The following DLGAP2 variants were observed in gnomAD, a reference collection of about 807,000 sequenced individuals.
The protein encoded by DLGAP2 is disks large-associated protein 2.
In DLGAP2, 26 loss-of-function variants were observed where a neutral mutation model predicts 100.3. The observed-to-expected ratio is 0.26, with a 90% CI of 0.19 to 0.36. The LOEUF (loss-of-function observed/expected upper bound fraction) is 0.36, where lower values mean the gene tolerates loss of function less well. DLGAP2 is among the 10% of genes least tolerant of loss of function. The pLI is 1.00. For synonymous variants in DLGAP2, 886 were observed against 630.1 expected (o/e 1.41, Z -6.08); for missense variants, 1,858 against 1,453.2 (o/e 1.28, Z -4.53).
At chr8:1,343,773 G>T (rs559666665) in intron 3 of DLGAP2, among the ~76,000 whole-genome samples, 1 of 152,024 alleles carries the variant, frequency 6.6e-6, no homozygotes, top group South Asian at 2.1e-4. Context: ...AGAGGCGGGG[G>T]CAGTGCTGTG....
intron 2 of DLGAP2, among the ~76,000 whole-genome samples, chr8:1,139,707 G>A (rs865973412): frequency 2.0e-5 from 3 of 152,190 alleles, no homozygotes; most frequent in African/African-American, 4.8e-5. Flanking sequence ...TGTGGCACCC[G>A]ACAGGCCCCT....
intron 1 of DLGAP2, among the ~76,000 whole-genome samples, chr8:865,171 G>C (rs924146926): frequency 1.3e-5 from 2 of 152,202 alleles, no homozygotes; most frequent in African/African-American, 4.8e-5. Flanking sequence ...CCAGGACGAC[G>C]GGTGCCCTCG....
At chr8:1,251,796 C>T (rs1799046351) in intron 2 of DLGAP2, among the ~76,000 whole-genome samples, 1 of 152,212 alleles carries the variant, frequency 6.6e-6, no homozygotes, top group African/African-American at 2.4e-5. Flanking sequence ...GTCCCACAGT[C>T]ACGTCACGTC....
intron 4 of DLGAP2, among the ~76,000 whole-genome samples, chr8:1,544,830 TCAA>T (rs1265868632): frequency 2.6e-5 from 4 of 151,948 alleles, no homozygotes; most frequent in Admixed American, 2.6e-4. Flanking sequence ...CCTCCCGGGT[TCAA>T]GCGATTCTCC....
intron 3 of DLGAP2, among the ~76,000 whole-genome samples, chr8:1,323,114 C>T (rs1800944176): frequency 6.6e-6 from 1 of 151,672 alleles, no homozygotes; most frequent in African/African-American, 2.4e-5. Context: ...CATGCAACCT[C>T]CGCCTCCCAG....
chr8:1,450,903 G>T (rs896135517), intron 3 of DLGAP2, among the ~76,000 whole-genome samples: 3 of 152,108 alleles, frequency 2.0e-5, no homozygotes, highest in African/African-American at 7.2e-5. Context: ...TCTATGAATT[G>T]CTTAGTGAAA....
At chr8:781,559 C>T (rs1042877109) in intron 1 of DLGAP2, among the ~76,000 whole-genome samples, 2 of 152,010 alleles carry the variant, frequency 1.3e-5, no homozygotes, top group Non-Finnish European at 2.9e-5. Flanking sequence ...GGGGTGTTGC[C>T]CAAGTACCGC....
At chr8:1,606,676 A>G (rs1796811063) in intron 6 of DLGAP2, among the ~76,000 whole-genome samples, 1 of 152,140 alleles carries the variant, frequency 6.6e-6, no homozygotes, top group Non-Finnish European at 1.5e-5. Flanking sequence ...TAATTCTGCT[A>G]TGACCATTAT....
At chr8:948,468 C>T (rs1375874646) in intron 2 of DLGAP2, among the ~76,000 whole-genome samples, 1 of 152,248 alleles carries the variant, frequency 6.6e-6, no homozygotes, top group Non-Finnish European at 1.5e-5. Flanking sequence ...CTCCATCTCT[C>T]CCACCACACC....
intron 4 of DLGAP2, among the ~76,000 whole-genome samples, chr8:1,546,185 T>C (rs1245180327): frequency 6.6e-6 from 1 of 152,214 alleles, no homozygotes; most frequent in Non-Finnish European, 1.5e-5. Flanking sequence ...ACAGTGTAGG[T>C]GCTCCTGTGA....
intron 2 of DLGAP2, among the ~76,000 whole-genome samples, chr8:1,085,007 C>T (rs1803928773): frequency 6.6e-6 from 1 of 152,224 alleles, no homozygotes; most frequent in South Asian, 2.1e-4. Context: ...GTTCCCATTT[C>T]TCCACATCAA....
intron 2 of DLGAP2, among the ~76,000 whole-genome samples, chr8:1,149,548 T>C (rs1265491565): frequency 6.6e-6 from 1 of 152,230 alleles, no homozygotes; most frequent in Non-Finnish European, 1.5e-5. Context: ...TTGCATGTTA[T>C]GTCTTCTTTC....
intron 2 of DLGAP2, among the ~76,000 whole-genome samples, chr8:1,082,813 G>C (rs186868145): frequency 1.1e-3 from 162 of 152,282 alleles, no homozygotes; most frequent in African/African-American, 3.7e-3. Flanking sequence ...ATTTGGTTTG[G>C]GAAAGTAGAA....
chr8:1,187,025 T>A (rs60792436), intron 2 of DLGAP2, among the ~76,000 whole-genome samples: 43,317 of 152,056 alleles, frequency 0.28, 7,591 homozygotes, highest in African/African-American at 0.5. Flanking sequence ...CAGGTGGCGG[T>A]CGTGGGCCTT....
intron 3 of DLGAP2, among the ~76,000 whole-genome samples, chr8:1,463,022 GT>G (rs1228384167): frequency 2.0e-5 from 3 of 152,208 alleles, no homozygotes; most frequent in Non-Finnish European, 4.4e-5. Context: ...TCTGAGGCGG[GT>G]GGATCATTTG....
chr8:1,287,620 C>A (rs1439235340), intron 3 of DLGAP2, among the ~76,000 whole-genome samples: 1 of 75,330 alleles, frequency 1.3e-5, no homozygotes, highest in East Asian at 4.3e-4. Context: ...GTTAGGGGAA[C>A]TAGTTTCGGT....
chr8:1,699,203 T>A (rs73672935), intron 14 of DLGAP2, among the ~76,000 whole-genome samples: 5 of 152,000 alleles, frequency 3.3e-5, no homozygotes, highest in African/African-American at 1.2e-4. Context: ...GCGCATAGAG[T>A]ATGATTCTCA....
chr8:928,693 G>A (rs942053008), intron 2 of DLGAP2, among the ~76,000 whole-genome samples: 16 of 152,242 alleles, frequency 1.1e-4, no homozygotes, highest in Admixed American at 9.2e-4. Flanking sequence ...TGCACCCCGG[G>A]TCAGGCGCAA....
chr8:1,281,448 G>T (rs1369291758), intron 3 of DLGAP2, among the ~76,000 whole-genome samples: 1 of 152,110 alleles, frequency 6.6e-6, no homozygotes, highest in East Asian at 1.9e-4. Context: ...CCAAGTTCCT[G>T]CGCCTCCCCA....
Sources: allele counts gnomAD v4.1 joint callset (sites outside exome capture counted in the v4.1 genomes callset), GRCh38; gene constraint gnomAD v4.1.1; transcripts MANE v1.5; gene names NCBI Gene and HGNC (gene_info 2026-07-23, HGNC 2026-07-21).